The following NCAM2 variants were observed in gnomAD, a reference collection of about 807,000 sequenced individuals.
The protein encoded by NCAM2 is neural cell adhesion molecule 2.
NCAM2 carries 30 observed loss-of-function variants against 98.1 expected under a neutral mutation model. The ratio of observed to expected loss-of-function variants is 0.31; its 90% CI spans 0.23 to 0.41. The LOEUF is 0.41. NCAM2 is among the 10% of genes least tolerant of loss of function. The pLI is 1.00. For missense variants in NCAM2, 867 were observed against 1,005.8 expected (o/e 0.86, Z 1.87); for synonymous variants, 368 against 342.4 (o/e 1.07, Z -0.83).
chr21:21,122,262 A>G (rs189087136), intron 1 of NCAM2, among the ~76,000 whole-genome samples: 1 of 152,324 alleles, frequency 6.6e-6, no homozygotes, highest in East Asian at 1.9e-4. Context: ...TTAACCTCTT[A>G]ATATAATCTG....
chr21:21,524,046 A>G lies in NCAM2; in HGVS notation c.2283-10491A>G, dbSNP rs1228892343. On this transcript the variant is annotated intron_variant, in intron 16 of 17. Coordinates refer to ENST00000400546, the MANE Select transcript of NCAM2 (RefSeq NM_004540.5). ...ACCCAACCAGATATTGTCCACACAC[A>G]CACACACACACACAATAAGAATAAT... Among the ~76,000 whole-genome samples the G allele has an allele frequency of 3.3e-5, 5 of 152,016 alleles. No individual in the cohort carries two copies. The East Asian group carries it at 7.7e-4, about 23-fold the overall frequency.
chr21:21,301,152 T>C (rs2073697468), intron 5 of NCAM2, among the ~76,000 whole-genome samples: 1 of 152,082 alleles, frequency 6.6e-6, no homozygotes, highest in Non-Finnish European at 1.5e-5. Context: ...GTTGGAGGCA[T>C]ACTTTGTGAA....
intron 12 of NCAM2, among the ~76,000 whole-genome samples, chr21:21,452,816 A>G (rs1334832190): frequency 1.9e-5 from 2 of 103,260 alleles, no homozygotes; most frequent in Non-Finnish European, 3.5e-5. Context: ...TACTTTATAT[A>G]TTATATAATA....
intron 12 of NCAM2, among the ~76,000 whole-genome samples, chr21:21,450,793 T>TAC (rs71195329): frequency 0.067 from 9,631 of 143,294 alleles, 330 homozygotes; most frequent in East Asian, 0.14. Flanking sequence ...TATGTATGTA[T>TAC]ACACACACAC....
intron 1 of NCAM2, among the ~76,000 whole-genome samples, chr21:21,002,027 T>A (rs1340955015): frequency 6.6e-6 from 1 of 152,202 alleles, no homozygotes; most frequent in Non-Finnish European, 1.5e-5. Flanking sequence ...GTATGCTTTT[T>A]CTATCTGCTG....
At chr21:21,079,435 A>G (rs2065746937) in intron 1 of NCAM2, among the ~76,000 whole-genome samples, 1 of 152,182 alleles carries the variant, frequency 6.6e-6, no homozygotes, top group African/African-American at 2.4e-5. Flanking sequence ...ATCTAGGGGG[A>G]AAATAAGACT....
At chr21:21,208,017 C>T (rs1056950819) in intron 1 of NCAM2, among the ~76,000 whole-genome samples, 1 of 152,118 alleles carries the variant, frequency 6.6e-6, no homozygotes, top group Non-Finnish European at 1.5e-5. Flanking sequence ...ATAAACAAAA[C>T]TATGCCTATG....
chr21:21,279,694 T>C (rs1376123474), intron 1 of NCAM2, among the ~76,000 whole-genome samples: 1 of 152,164 alleles, frequency 6.6e-6, no homozygotes, highest in South Asian at 2.1e-4. Flanking sequence ...TTGGATCCTA[T>C]CTGTGTGTAG....
At chr21:21,173,068 T>C (rs916422598) in intron 1 of NCAM2, among the ~76,000 whole-genome samples, 1 of 152,148 alleles carries the variant, frequency 6.6e-6, no homozygotes, top group Non-Finnish European at 1.5e-5. Context: ...GAGTGCAGAG[T>C]ATTGTAAATA....
At chr21:21,197,003 T>C (rs1164977670) in intron 1 of NCAM2, among the ~76,000 whole-genome samples, 1 of 152,208 alleles carries the variant, frequency 6.6e-6, no homozygotes, top group Non-Finnish European at 1.5e-5. Context: ...CACCTGCTCC[T>C]GTGTTGCCTT....
chr21:21,071,468 G>A (rs1370437943), intron 1 of NCAM2, among the ~76,000 whole-genome samples: 1 of 151,838 alleles, frequency 6.6e-6, no homozygotes, highest in Non-Finnish European at 1.5e-5. Context: ...CAGAGCTCAA[G>A]CTAAAAAAAA....
intron 1 of NCAM2, among the ~76,000 whole-genome samples, chr21:21,191,401 G>T (rs1273535178): frequency 6.6e-6 from 1 of 152,104 alleles, no homozygotes; most frequent in African/African-American, 2.4e-5. Context: ...ATGTAGCAAT[G>T]ATTTCAGAAA....
At chr21:21,188,511 C>A (rs1400544895) in intron 1 of NCAM2, among the ~76,000 whole-genome samples, 1 of 152,096 alleles carries the variant, frequency 6.6e-6, no homozygotes, top group Non-Finnish European at 1.5e-5. Context: ...ATTCTCTTAT[C>A]ATTGTGTTAT....
intron 1 of NCAM2, among the ~76,000 whole-genome samples, chr21:21,183,088 A>G (rs536822964): frequency 1.3e-5 from 2 of 152,284 alleles, no homozygotes; most frequent in South Asian, 4.1e-4. Flanking sequence ...GTATGGGAAT[A>G]AGTAGCCGTT....
chr21:21,098,985 A>G lies in NCAM2; in HGVS notation c.55+100367A>G, dbSNP rs912185714. The stretch of plus-strand genomic sequence containing the variant: ...AAGCACTTATAAAAAGCTAAGAATC[A>G]AATGAGGAAACCAAGTCCAGGTGAT... On this transcript the variant is annotated intron_variant, in intron 1 of 17. Transcript: ENST00000400546. Among the ~76,000 whole-genome samples, 9 of 151,926 alleles carry G rather than the reference A, an allele frequency of 5.9e-5. 1 individual carries two copies. The South Asian group carries it at 1.9e-3, about 31-fold the overall frequency.
intron 17 of NCAM2, among the ~76,000 whole-genome samples, chr21:21,537,411 G>A (rs545386636): frequency 5.0e-4 from 76 of 152,186 alleles, no homozygotes; most frequent in African/African-American, 1.7e-3. Flanking sequence ...TGGAGAAAAC[G>A]TAGTGCTAAT....
At chr21:21,045,684 G>A (rs1166060383) in intron 1 of NCAM2, among the ~76,000 whole-genome samples, 1 of 152,086 alleles carries the variant, frequency 6.6e-6, no homozygotes, top group Non-Finnish European at 1.5e-5. Flanking sequence ...TGTTAGTGGA[G>A]CACATGAGTC....
intron 1 of NCAM2, among the ~76,000 whole-genome samples, chr21:21,136,867 A>G (rs2067066182): frequency 1.3e-5 from 2 of 151,126 alleles, no homozygotes; most frequent in African/African-American, 2.4e-5. Flanking sequence ...ACTGTTCCTC[A>G]AAAGAAATTT....
At chr21:21,074,183 C>T (rs533183537) in intron 1 of NCAM2, among the ~76,000 whole-genome samples, 43 of 151,722 alleles carry the variant, frequency 2.8e-4, no homozygotes, top group Middle Eastern at 3.5e-3. Context: ...TATTTCTGTC[C>T]GTCATATAGT....
Sources: allele counts gnomAD v4.1 joint callset (sites outside exome capture counted in the v4.1 genomes callset), GRCh38; gene constraint gnomAD v4.1.1; transcripts MANE v1.5; gene names NCBI Gene and HGNC (gene_info 2026-07-23, HGNC 2026-07-21).